The following RALYL variants were observed in gnomAD, a reference collection of about 807,000 sequenced individuals.
The protein encoded by RALYL is RNA-binding Raly-like protein.
Under a neutral mutation model 35.1 loss-of-function variants are expected in RALYL, and 29 were observed. The ratio of observed to expected loss-of-function variants is 0.83; its 90% CI spans 0.61 to 1.13. The LOEUF is 1.13. Ranked by LOEUF, RALYL falls within the 50% of genes most tolerant of loss-of-function variation. RALYL has a pLI of 0.00. For synonymous variants in RALYL, 120 were observed against 127.6 expected, an observed-to-expected ratio of 0.94 and a Z score of 0.40; for missense variants, 359 against 360.4, an observed-to-expected ratio of 1.00 and a Z score of 0.03.
At chr8:84,616,619 G>A (rs1368283270) in intron 2 of RALYL, among the ~76,000 whole-genome samples, 1 of 150,926 alleles carries the variant, frequency 6.6e-6, no homozygotes, top group African/African-American at 2.5e-5. Flanking sequence ...TGTCAATTTT[G>A]GCTTTTGTTG....
At chr8:84,840,121 T>A (rs552361535) in intron 4 of RALYL, among the ~76,000 whole-genome samples, 12 of 152,186 alleles carry the variant, frequency 7.9e-5, no homozygotes, top group Non-Finnish European at 1.5e-4. Flanking sequence ...GGACAGGGAA[T>A]GACTTTGACG....
intron 2 of RALYL, among the ~76,000 whole-genome samples, chr8:84,766,528 C>CCAAAA (rs1814018243): frequency 1.2e-5 from 1 of 80,460 alleles, no homozygotes; most frequent in African/African-American, 4.5e-5. Context: ...CCCATCTCTA[C>CCAAAA]TAAAATAAAT....
chr8:84,403,096 T>C (rs2043086435), intron 1 of RALYL, among the ~76,000 whole-genome samples: 1 of 152,204 alleles, frequency 6.6e-6, no homozygotes, highest in Non-Finnish European at 1.5e-5. Context: ...AAAAATTTTC[T>C]CCCATTCTGT....
chr8:84,690,746 A>T (rs1284004749), intron 2 of RALYL, among the ~76,000 whole-genome samples: 1 of 152,114 alleles, frequency 6.6e-6, no homozygotes, highest in Non-Finnish European at 1.5e-5. Flanking sequence ...TGCATATAAC[A>T]TAGAAATCCA....
At chr8:84,292,790 A>G (rs988975083) in intron 1 of RALYL, among the ~76,000 whole-genome samples, 1 of 152,194 alleles carries the variant, frequency 6.6e-6, no homozygotes, top group Admixed American at 6.5e-5. Flanking sequence ...TCATCAATAA[A>G]TAACCATAAA....
chr8:84,619,335 T>C (rs1820685679), intron 2 of RALYL, among the ~76,000 whole-genome samples: 1 of 151,456 alleles, frequency 6.6e-6, no homozygotes, highest in Admixed American at 6.6e-5. Context: ...TTGATCCCTT[T>C]ACCATTATGT....
chr8:84,677,931 G>A (rs369735977), intron 2 of RALYL, among the ~76,000 whole-genome samples: 7 of 152,016 alleles, frequency 4.6e-5, no homozygotes, highest in East Asian at 1.9e-4. Flanking sequence ...ATAAAACCAC[G>A]TTCTATTTCT....
At chr8:84,799,827 G>A (rs1822808224) in intron 3 of RALYL, among the ~76,000 whole-genome samples, 1 of 152,242 alleles carries the variant, frequency 6.6e-6, no homozygotes, top group Non-Finnish European at 1.5e-5. Flanking sequence ...GTGGTGGCAG[G>A]CACCTGTAGT....
intron 1 of RALYL, among the ~76,000 whole-genome samples, chr8:84,186,300 T>G (rs1296163439): frequency 6.6e-6 from 1 of 152,208 alleles, no homozygotes; most frequent in African/African-American, 2.4e-5. Flanking sequence ...CAGTCTTTCA[T>G]ATGCCTCAAA....
At chr8:84,355,348 G>C (rs978159785) in intron 1 of RALYL, among the ~76,000 whole-genome samples, 1 of 150,320 alleles carries the variant, frequency 6.7e-6, no homozygotes, top group African/African-American at 2.5e-5. Context: ...AATTCAGAAG[G>C]AAGAACAGTG....
intron 8 of RALYL, among the ~76,000 whole-genome samples, chr8:84,914,078 G>C (rs1026824506): frequency 1.1e-4 from 17 of 151,926 alleles, no homozygotes; most frequent in Non-Finnish European, 2.4e-4. Context: ...AATTATTCCT[G>C]TAAAGCAATT....
At chr8:84,367,218 C>A (rs1311389536) in intron 1 of RALYL, among the ~76,000 whole-genome samples, 1 of 149,008 alleles carries the variant, frequency 6.7e-6, no homozygotes, top group Non-Finnish European at 1.5e-5. Context: ...TCACTGCAAC[C>A]TCTGCCTCCC....
At chr8:84,219,816 A>T (rs994003647) in intron 1 of RALYL, among the ~76,000 whole-genome samples, 1 of 152,064 alleles carries the variant, frequency 6.6e-6, no homozygotes, top group African/African-American at 2.4e-5. Context: ...TGGAAGCAGA[A>T]AATTACTGCT....
At chr8:84,627,954 C>T (rs1823100238) in intron 2 of RALYL, among the ~76,000 whole-genome samples, 1 of 152,078 alleles carries the variant, frequency 6.6e-6, no homozygotes, top group South Asian at 2.1e-4. Context: ...TCCATTTGGA[C>T]CGTTATATTA....
At chr8:84,835,996 T>C (rs549770653) in intron 4 of RALYL, among the ~76,000 whole-genome samples, 1 of 152,300 alleles carries the variant, frequency 6.6e-6, no homozygotes, top group East Asian at 1.9e-4. Flanking sequence ...AAGAGATCTG[T>C]ATGTTACCTT....
chr8:84,269,785 T>C (rs1833959973), intron 1 of RALYL, among the ~76,000 whole-genome samples: 1 of 152,154 alleles, frequency 6.6e-6, no homozygotes, highest in Non-Finnish European at 1.5e-5. Flanking sequence ...AAATAGGTTC[T>C]AATATTGTGG....
intron 2 of RALYL, among the ~76,000 whole-genome samples, chr8:84,651,128 G>A (rs1048840017): frequency 7.2e-5 from 11 of 152,034 alleles, no homozygotes; most frequent in Admixed American, 3.3e-4. Context: ...GCTAAATGAT[G>A]AGTTAATGGG....
intron 3 of RALYL, among the ~76,000 whole-genome samples, chr8:84,783,161 A>G (rs115660133): frequency 0.019 from 2,915 of 152,292 alleles, 90 homozygotes; most frequent in African/African-American, 0.064. Flanking sequence ...AAATGTCTCT[A>G]AAGATTTATC....
At chr8:84,702,208 G>T (rs970002730) in intron 2 of RALYL, among the ~76,000 whole-genome samples, 5 of 152,036 alleles carry the variant, frequency 3.3e-5, no homozygotes, top group Non-Finnish European at 5.9e-5. Flanking sequence ...TTCACTCCCT[G>T]TGTCACATTC....
Sources: allele counts gnomAD v4.1 joint callset (sites outside exome capture counted in the v4.1 genomes callset), GRCh38; gene constraint gnomAD v4.1.1; transcripts MANE v1.5; gene names NCBI Gene and HGNC (gene_info 2026-07-23, HGNC 2026-07-21).